Variants in SAP130 observed in about 807,000 individuals in gnomAD.
The protein encoded by SAP130 is histone deacetylase complex subunit SAP130.
Under a neutral mutation model 103.2 loss-of-function variants are expected in SAP130, and 16 were observed. The observed-to-expected ratio is 0.16, with a 90% confidence interval of 0.10 to 0.24. SAP130 has a LOEUF of 0.24. SAP130 is among the 10% of genes least tolerant of loss of function. The pLI, the probability that SAP130 is intolerant of heterozygous loss-of-function variation, is 1.00. For missense variants in SAP130, 990 were observed against 1,359.7 expected (o/e 0.73, Z 4.28); for synonymous variants, 477 against 497.0 (o/e 0.96, Z 0.53).
chr2:127,947,625 T>C (rs1336685659), intron 18 of SAP130, among the ~76,000 whole-genome samples: 2 of 152,250 alleles, frequency 1.3e-5, no homozygotes, highest in African/African-American at 4.8e-5. Context: ...CCGATTATCT[T>C]ATCAGTATGT....
chr2:127,979,223 AACACAAAGATC>A (rs1296280553), intron 14 of SAP130, among the ~76,000 whole-genome samples: 2 of 152,198 alleles, frequency 1.3e-5, no homozygotes, highest in African/African-American at 4.8e-5. Context: ...CAAGCCAAAG[AACACAAAGATC>A]AACAGCAGCC....
intron 1 of SAP130, chr2:128,026,978 C>A (rs1035956997): frequency 1.8e-5 from 18 of 1,028,390 alleles, no homozygotes; most frequent in Non-Finnish European, 2.2e-5. Flanking sequence ...CCCGCTGAGA[C>A]CGGAGGACGC....
chr2:127,994,464 C>A (rs189425621), intron 11 of SAP130, among the ~76,000 whole-genome samples: 1 of 152,284 alleles, frequency 6.6e-6, no homozygotes, highest in African/African-American at 2.4e-5. Context: ...TGGTGGCACA[C>A]GCCTATAATC....
intron 12 of SAP130, among the ~76,000 whole-genome samples, chr2:127,991,223 C>G (rs138845439): frequency 6.6e-6 from 1 of 151,984 alleles, no homozygotes; most frequent in Non-Finnish European, 1.5e-5. Context: ...ACACTCCAGC[C>G]TGGGCAACAG....
chr2:127,974,705 C>T (rs1242186953), intron 15 of SAP130, among the ~76,000 whole-genome samples: 2 of 151,984 alleles, frequency 1.3e-5, no homozygotes, highest in Non-Finnish European at 2.9e-5. Flanking sequence ...CCCAGCTACT[C>T]GGGAGGCTGA....
chr2:127,941,942 C>G lies in SAP130; in HGVS notation c.*64G>C. Reference sequence around the variant, plus strand: ...TGTTCCACTTTGGAAAAAACCAAAACCCTCCCCCCACCCCCACCATCATTC... The same window carrying G: ...TGTTCCACTTTGGAAAAAACCAAAAGCCTCCCCCCACCCCCACCATCATTC... On this transcript the variant is annotated 3_prime_UTR_variant, in exon 21 of 21. Coordinates refer to ENST00000643581, the MANE Select transcript of SAP130 (RefSeq NM_001330301.2). The G allele has an allele frequency of 3.3e-5, 6 of 181,336 alleles. No individual in the cohort carries two copies. Among genetic ancestry groups the G allele is most frequent in the Non-Finnish European group, 5.2e-5 (5 of 96,870 alleles). The allele number at this position is 181,336 out of a possible 1,614,324, so 11.2% of individuals were successfully genotyped here. A position where few individuals can be genotyped will look rare whatever the true frequency, so the allele number is the denominator to read the frequency against.
chr2:127,944,952 C>G (rs1173223416), intron 19 of SAP130, among the ~76,000 whole-genome samples: 1 of 151,212 alleles, frequency 6.6e-6, no homozygotes, highest in East Asian at 1.9e-4. Flanking sequence ...AGGTATGCCC[C>G]GGTCTCTGAA....
intron 15 of SAP130, among the ~76,000 whole-genome samples, chr2:127,964,948 G>A (rs1280600019): frequency 5.3e-5 from 8 of 149,814 alleles, no homozygotes; most frequent in African/African-American, 7.4e-5. Flanking sequence ...GCAGTGAGCC[G>A]AGAACGCGCC....
intron 7 of SAP130, among the ~76,000 whole-genome samples, chr2:128,005,758 C>A (rs1683926891): frequency 6.6e-6 from 1 of 151,902 alleles, no homozygotes; most frequent in Admixed American, 6.6e-5. Context: ...GCGATTCTCC[C>A]GCCTCAGCTT....
intron 2 of SAP130, among the ~76,000 whole-genome samples, chr2:128,021,395 C>T (rs1386957276): frequency 6.7e-6 from 1 of 148,300 alleles, no homozygotes; most frequent in East Asian, 2.0e-4. Flanking sequence ...TGCAGTGAGT[C>T]GAGATCGCGC....
chr2:127,969,231 A>G (rs1680897542), intron 15 of SAP130, among the ~76,000 whole-genome samples: 1 of 152,222 alleles, frequency 6.6e-6, no homozygotes, highest in Non-Finnish European at 1.5e-5. Flanking sequence ...GAAGAAGGAT[A>G]AAATGTAGTT....
chr2:128,002,160 G>A (rs1288076141), intron 7 of SAP130, among the ~76,000 whole-genome samples: 5 of 152,098 alleles, frequency 3.3e-5, no homozygotes, highest in South Asian at 4.1e-4. Context: ...CTCTTGATCC[G>A]CCCGCCCTGG....
chr2:127,986,914 T>A lies in SAP130; in HGVS notation c.1829A>T (p.Asn610Ile). The part of the protein sequence containing the change: ...GATIVANPIS[N>I]PFSAAPAATT... ...TGCTGCTGGAGCAGCACTGAATGGA[T>A]TGCTAATAGGGTTGGCCACAATTGT... Residue 610 changes from asparagine (N) to isoleucine (I), a missense_variant, in exon 14 of 21, where the codon AAT (asparagine) becomes ATT (isoleucine). Physicochemically the swap from Asn to Ile is moderately radical, Grantham distance 149. This residue lies in a region of SAP130 where 349 missense variants were observed against 384.1 expected (regional missense o/e 0.91). Transcript: ENST00000643581. The surrounding 1 kb of genome is among the most constrained non-coding windows in gnomAD (Gnocchi z 4.7). 6.2e-7 allele frequency: 1 copy of A among 1,614,112 alleles called. No individual in the cohort carries two copies. The highest frequency in any genetic ancestry group is 1.3e-5 in the African/African-American group (1 of 75,026).
At chr2:127,973,641 CCTG>C (rs751982891) in intron 15 of SAP130, among the ~76,000 whole-genome samples, 25 of 152,096 alleles carry the variant, frequency 1.6e-4, no homozygotes, top group Admixed American at 2.6e-4. Flanking sequence ...TGATTTTTTT[CCTG>C]CTATTCTCAT....
Position 127,996,296 on chromosome 2 carries a change from A to G in SAP130, c.1355+54T>C. On this transcript the variant is annotated intron_variant, in intron 11 of 20. Transcript: ENST00000643581. This position sits in a 1 kb window ranked among gnomAD's most constrained non-coding sequence, Gnocchi z 4.3. ...GGGACACTTTGTTTTATGCTGATAA[A>G]GCAGAACGATTAATGACACAGTGAG... The G allele has an allele frequency of 6.8e-7, 1 of 1,473,844 alleles. No homozygotes were observed. Among genetic ancestry groups the G allele is most frequent in the Non-Finnish European group, 9.1e-7 (1 of 1,102,280 alleles). 91.3% of individuals were successfully genotyped at this position (1,473,844 alleles called of 1,614,324 possible). A position where few individuals can be genotyped will look rare whatever the true frequency, so the allele number is the denominator to read the frequency against.
At chr2:127,960,172 C>G (rs1002547161) in intron 15 of SAP130, among the ~76,000 whole-genome samples, 2 of 152,158 alleles carry the variant, frequency 1.3e-5, no homozygotes, top group East Asian at 3.8e-4. Flanking sequence ...TGCCAAGTAT[C>G]AAAAACTGAC....
intron 2 of SAP130, among the ~76,000 whole-genome samples, chr2:128,020,531 C>T (rs755909368): frequency 1.3e-5 from 2 of 152,136 alleles, no homozygotes; most frequent in African/African-American, 2.4e-5. Flanking sequence ...ACACGAGTAA[C>T]GTACAAATTA....
At chr2:127,962,014 T>C (rs1263084901) in intron 15 of SAP130, among the ~76,000 whole-genome samples, 3 of 152,226 alleles carry the variant, frequency 2.0e-5, no homozygotes, top group Non-Finnish European at 4.4e-5. Flanking sequence ...TGTCATCTGA[T>C]ATATGTGCTA....
chr2:127,997,066 C>T (rs1272978821), intron 10 of SAP130, among the ~76,000 whole-genome samples: 2 of 152,182 alleles, frequency 1.3e-5, no homozygotes, highest in African/African-American at 4.8e-5. Context: ...TGTTTCTTTA[C>T]CTATAAGGAC....
Sources: gnomAD v4.1 joint callset for allele counts (sites outside exome capture counted in the v4.1 genomes callset) on GRCh38, gnomAD v4.1.1 for gene constraint, gnomAD v4.1.1 regional missense constraint, Gnocchi (gnomAD v3.1) non-coding constraint, MANE v1.5 for transcripts, NCBI Gene and HGNC (gene_info 2026-07-23, HGNC 2026-07-21) for gene names.